LIMS1: variants seen among roughly 807,000 people sequenced by gnomAD.
LIMS1 encodes the protein LIM and senescent cell antigen-like-containing domain protein 1.
A neutral mutation model predicts 44.1 loss-of-function variants in LIMS1; 18 were observed. The observed-to-expected ratio is 0.41, with a 90% CI of 0.28 to 0.61. The LOEUF is 0.61. Ranked by LOEUF, LIMS1 falls within the 20% of genes least tolerant of loss-of-function variation. The pLI, the probability that LIMS1 is intolerant of heterozygous loss-of-function variation, is 0.32. For synonymous variants in LIMS1, 93 were observed against 149.1 expected, an observed-to-expected ratio of 0.62 and a Z score of 2.74; for missense variants, 201 against 422.0, an observed-to-expected ratio of 0.48 and a Z score of 4.59.
chr2:108,619,511 C>T (rs534954784), intron 1 of LIMS1, among the ~76,000 whole-genome samples: 1 of 152,124 alleles, frequency 6.6e-6, no homozygotes, highest in East Asian at 1.9e-4. Context: ...TGGCAAAACC[C>T]CATCTCTACT....
intron 1 of LIMS1, among the ~76,000 whole-genome samples, chr2:108,611,836 A>AATATATATATATATATATATAT (rs138970063): frequency 4.6e-5 from 6 of 130,980 alleles, no homozygotes; most frequent in East Asian, 2.4e-4. Flanking sequence ...CATGATCTAA[A>AATATATATATATATATATATAT]ATATATATAT....
At chr2:108,570,411 C>T (rs1685444293) in intron 1 of LIMS1, among the ~76,000 whole-genome samples, 1 of 152,124 alleles carries the variant, frequency 6.6e-6, no homozygotes. Context: ...GCCTGGGCAG[C>T]AGAGCAAGAC....
chr2:108,552,280 A>G (rs1684774692), intron 1 of LIMS1, among the ~76,000 whole-genome samples: 1 of 136,094 alleles, frequency 7.3e-6, no homozygotes. Context: ...TATATATATG[A>G]AACTATATAT....
chr2:108,563,044 C>G (rs1685177512), intron 1 of LIMS1, among the ~76,000 whole-genome samples: 1 of 152,212 alleles, frequency 6.6e-6, no homozygotes, highest in East Asian at 1.9e-4. Flanking sequence ...GTCTGGATGA[C>G]CACATATGTG....
In LIMS1 at chr2:108,585,813, T is replaced by A. The variant is rs114714530; in HGVS notation, c.32+51219T>A. Among the ~76,000 whole-genome samples the A allele has an allele frequency of 4.4e-3, 671 of 152,204 alleles. 4 individuals are homozygous for A. Among genetic ancestry groups the A allele is most frequent in the South Asian group, 0.014 (68 of 4,824 alleles). ...TAAGGACTGAAAAATGCCTTCTGGA[T>A]TTGGCTTTTAAGAGCTGTGACTGTA... On this transcript the variant is annotated intron_variant, in intron 1 of 9. Coordinates refer to ENST00000544547, the Ensembl canonical transcript of LIMS1.
At chr2:108,637,746 A>G (rs545253250) in intron 1 of LIMS1, among the ~76,000 whole-genome samples, 1 of 152,364 alleles carries the variant, frequency 6.6e-6, no homozygotes, top group South Asian at 2.1e-4. Context: ...AATAAAAATA[A>G]AAGAATGAAA....
chr2:108,654,578 C>T (rs1166150585), intron 1 of LIMS1, among the ~76,000 whole-genome samples: 1 of 152,068 alleles, frequency 6.6e-6, no homozygotes, highest in Non-Finnish European at 1.5e-5. Flanking sequence ...GGTTCAAATG[C>T]TCCTCAGAGT....
intron 1 of LIMS1, among the ~76,000 whole-genome samples, chr2:108,575,103 T>G (rs1204006750): frequency 6.6e-6 from 1 of 152,206 alleles, no homozygotes; most frequent in Non-Finnish European, 1.5e-5. Context: ...GTAGGTTATA[T>G]TTCTTAGTAA....
intron 1 of LIMS1, among the ~76,000 whole-genome samples, chr2:108,598,407 G>C (rs915270193): frequency 1.3e-5 from 2 of 152,320 alleles, no homozygotes; most frequent in East Asian, 1.9e-4. Flanking sequence ...ACTTTGTATA[G>C]GCTAGGAGGA....
chr2:108,664,213 G>C (rs1317653711), intron 2 of LIMS1, among the ~76,000 whole-genome samples: 2 of 152,198 alleles, frequency 1.3e-5, no homozygotes, highest in Non-Finnish European at 2.9e-5. Flanking sequence ...CTTCAAGGCA[G>C]TTTATGACAA....
intron 1 of LIMS1, among the ~76,000 whole-genome samples, chr2:108,620,445 C>T (rs1365764933): frequency 1.3e-5 from 2 of 152,128 alleles, no homozygotes; most frequent in Admixed American, 6.5e-5. Flanking sequence ...GATTGGAGGG[C>T]CGTGCTGTGC....
At chr2:108,616,165 G>A (rs934830685) in intron 1 of LIMS1, among the ~76,000 whole-genome samples, 13 of 141,898 alleles carry the variant, frequency 9.2e-5, no homozygotes, top group Admixed American at 7.1e-4. Flanking sequence ...AGAGGCTGCT[G>A]TATGAGAATG....
intron 1 of LIMS1, among the ~76,000 whole-genome samples, chr2:108,535,276 T>C (rs970981728): frequency 6.6e-6 from 1 of 152,246 alleles, no homozygotes; most frequent in African/African-American, 2.4e-5. Flanking sequence ...AGTACTGTCT[T>C]AATAGCTGTT....
At chr2:108,661,740 T>C (rs1469415843) in intron 2 of LIMS1, among the ~76,000 whole-genome samples, 1 of 152,172 alleles carries the variant, frequency 6.6e-6, no homozygotes, top group African/African-American at 2.4e-5. Flanking sequence ...GACCTACTTC[T>C]ACCTCGGCAC....
chr2:108,538,230 CAG>C (rs1418800470), intron 1 of LIMS1, among the ~76,000 whole-genome samples: 2 of 152,220 alleles, frequency 1.3e-5, no homozygotes, highest in African/African-American at 2.4e-5. Flanking sequence ...TCTTCAGCAA[CAG>C]AGGTTTCCTT....
At chr2:108,596,159 C>T (rs1686672737) in intron 1 of LIMS1, among the ~76,000 whole-genome samples, 1 of 152,216 alleles carries the variant, frequency 6.6e-6, no homozygotes, top group Admixed American at 6.5e-5. Context: ...CAGCGGCCAA[C>T]ATTTGTATAG....
intron 1 of LIMS1, among the ~76,000 whole-genome samples, chr2:108,646,973 G>A (rs993136033): frequency 2.6e-5 from 4 of 152,022 alleles, no homozygotes; most frequent in East Asian, 1.9e-4. Flanking sequence ...CGCCCGCCTC[G>A]GCCTCCCAAA....
intron 1 of LIMS1, among the ~76,000 whole-genome samples, chr2:108,569,764 C>CTTTTTTTTTTTTT (rs10596766): frequency 1.5e-4 from 17 of 113,122 alleles, no homozygotes; most frequent in South Asian, 6.5e-4. Context: ...CCATATCTGG[C>CTTTTTTTTTTTTT]TTTTTTTTTT....
At chr2:108,568,914 T>C (rs1685386453) in intron 1 of LIMS1, among the ~76,000 whole-genome samples, 2 of 152,138 alleles carry the variant, frequency 1.3e-5, no homozygotes, top group African/African-American at 4.8e-5. Flanking sequence ...TTTTTTGAGA[T>C]GGAGTCTCAC....
Sources: gnomAD v4.1 joint callset for allele counts (sites outside exome capture counted in the v4.1 genomes callset) on GRCh38, gnomAD v4.1.1 for gene constraint, MANE v1.5 for transcripts, NCBI Gene and HGNC (gene_info 2026-07-23, HGNC 2026-07-21) for gene names.